PALM2AKAP2: variants seen among roughly 807,000 people sequenced by gnomAD.
The protein encoded by PALM2AKAP2 is PALM2-AKAP2 fusion protein.
PALM2AKAP2 carries 37 observed loss-of-function variants against 71.5 expected under a neutral mutation model. The observed-to-expected ratio is 0.52, with a 90% CI of 0.40 to 0.68. The LOEUF (loss-of-function observed/expected upper bound fraction) is 0.68, where lower values mean the gene tolerates loss of function less well. Ranked by LOEUF, PALM2AKAP2 falls within the 30% of genes least tolerant of loss-of-function variation. The pLI, the probability that PALM2AKAP2 is intolerant of heterozygous loss-of-function variation, is 0.00. For synonymous variants in PALM2AKAP2, 468 were observed against 478.8 expected, an observed-to-expected ratio of 0.98 and a Z score of 0.29; for missense variants, 1,224 against 1,191.8, an observed-to-expected ratio of 1.03 and a Z score of -0.40.
intron 1 of PALM2AKAP2, among the ~76,000 whole-genome samples, chr9:109,751,654 G>A (rs1465317290): frequency 6.6e-6 from 1 of 152,132 alleles, no homozygotes; most frequent in Non-Finnish European, 1.5e-5. Context: ...GTTCAATCAT[G>A]CTCTCAATTA....
At chr9:110,067,411 A>G (rs1208672272) in intron 1 of PALM2AKAP2, among the ~76,000 whole-genome samples, 4 of 152,252 alleles carry the variant, frequency 2.6e-5, no homozygotes, top group Non-Finnish European at 5.9e-5. Flanking sequence ...TGGTTGGTGC[A>G]TTACTTAATC....
intron 1 of PALM2AKAP2, chr9:110,125,681 T>C: frequency 1.2e-6 from 1 of 849,314 alleles, no homozygotes. Context: ...CCAGTGTCTT[T>C]ATGGAGGAGG....
chr9:109,722,492 C>T (rs1828419760), intron 1 of PALM2AKAP2, among the ~76,000 whole-genome samples: 1 of 152,148 alleles, frequency 6.6e-6, no homozygotes, highest in South Asian at 2.1e-4. Flanking sequence ...CAAATAGGAG[C>T]TAGGCGAGAT....
At chr9:109,998,336 C>T (rs545441077) in intron 6 of PALM2AKAP2, among the ~76,000 whole-genome samples, 97 of 152,188 alleles carry the variant, frequency 6.4e-4, no homozygotes, top group African/African-American at 2.3e-3. Flanking sequence ...CCCAAAAGGC[C>T]GGGCTCCAGA....
chr9:109,861,258 GCTCC>G, intron 1 of PALM2AKAP2, among the ~76,000 whole-genome samples: 1 of 152,194 alleles, frequency 6.6e-6, no homozygotes, highest in Admixed American at 6.5e-5. Flanking sequence ...ATCTCCTAGT[GCTCC>G]AGTTGCAGCA....
exon 2 of PALM2AKAP2, chr9:110,138,348 T>C (rs1378460599): frequency 1.2e-6 from 2 of 1,613,990 alleles, no homozygotes; most frequent in Non-Finnish European, 8.5e-7. Flanking sequence ...GAATCTGACG[T>C]GATGGTTGGG....
intron 6 of PALM2AKAP2, among the ~76,000 whole-genome samples, chr9:109,957,236 G>C (rs1239087954): frequency 6.6e-6 from 1 of 152,216 alleles, no homozygotes; most frequent in African/African-American, 2.4e-5. Context: ...CTCTTGCTGA[G>C]TTAATTGAGC....
At chr9:109,787,767 A>G (rs1827007725) in intron 1 of PALM2AKAP2, among the ~76,000 whole-genome samples, 1 of 152,258 alleles carries the variant, frequency 6.6e-6, no homozygotes, top group African/African-American at 2.4e-5. Context: ...AGTATTAACT[A>G]GTTTAAAAAC....
At chr9:109,853,520 A>G (rs1173120336) in intron 1 of PALM2AKAP2, among the ~76,000 whole-genome samples, 2 of 152,254 alleles carry the variant, frequency 1.3e-5, no homozygotes, top group Non-Finnish European at 1.5e-5. Context: ...CAGATATATC[A>G]TAGATTATTT....
At chr9:110,060,735 G>A (rs983735959) in intron 1 of PALM2AKAP2, among the ~76,000 whole-genome samples, 7 of 152,088 alleles carry the variant, frequency 4.6e-5, no homozygotes, top group African/African-American at 1.7e-4. Flanking sequence ...CCGAGTAGCT[G>A]AGACTACAGG....
At chr9:110,037,494 C>A (rs1392398788) in intron 7 of PALM2AKAP2, among the ~76,000 whole-genome samples, 1 of 152,226 alleles carries the variant, frequency 6.6e-6, no homozygotes, top group Non-Finnish European at 1.5e-5. Context: ...GCGTGAGCCA[C>A]CGCACCCGGC....
At chr9:109,854,140 C>T (rs1450941395) in intron 1 of PALM2AKAP2, among the ~76,000 whole-genome samples, 1 of 152,142 alleles carries the variant, frequency 6.6e-6, no homozygotes, top group Admixed American at 6.5e-5. Context: ...GTACCTTTCC[C>T]TTGTTCCCTG....
intron 1 of PALM2AKAP2, among the ~76,000 whole-genome samples, chr9:109,691,174 T>TACACACACACAC (rs56966509): frequency 0.021 from 3,026 of 147,528 alleles, 35 homozygotes; most frequent in Middle Eastern, 0.034. Context: ...CTTTGAATTT[T>TACACACACACAC]ACACACACAC....
intron 3 of PALM2AKAP2, among the ~76,000 whole-genome samples, chr9:109,906,371 G>C (rs1830445569): frequency 1.3e-5 from 2 of 152,106 alleles, no homozygotes; most frequent in African/African-American, 4.8e-5. Flanking sequence ...GCTAATTTTT[G>C]TATTTTCCGT....
At chr9:109,649,547 AGTT>A (rs1219933136) in intron 1 of PALM2AKAP2, among the ~76,000 whole-genome samples, 1 of 152,210 alleles carries the variant, frequency 6.6e-6, no homozygotes, top group African/African-American at 2.4e-5. Context: ...TATGGAGAGT[AGTT>A]TATCAGAAAA....
intron 1 of PALM2AKAP2, among the ~76,000 whole-genome samples, chr9:109,724,217 TAATA>T (rs1315803654): frequency 6.6e-6 from 1 of 151,972 alleles, no homozygotes; most frequent in Non-Finnish European, 1.5e-5. Flanking sequence ...CAATAAAACT[TAATA>T]AAAGAATAAA....
intron 1 of PALM2AKAP2, among the ~76,000 whole-genome samples, chr9:109,673,589 A>G (rs1470984763): frequency 6.6e-6 from 1 of 152,086 alleles, no homozygotes; most frequent in Non-Finnish European, 1.5e-5. Context: ...TTGGTTGAAG[A>G]GTTCTGTAGA....
chr9:109,916,332 C>T (rs1198645528), intron 3 of PALM2AKAP2, among the ~76,000 whole-genome samples: 2 of 152,192 alleles, frequency 1.3e-5, no homozygotes, highest in African/African-American at 2.4e-5. Flanking sequence ...TTTGTTTGGG[C>T]CTTGCAGGAA....
intron 1 of PALM2AKAP2, among the ~76,000 whole-genome samples, chr9:109,796,403 C>T (rs1017915728): frequency 6.6e-6 from 1 of 151,922 alleles, no homozygotes; most frequent in African/African-American, 2.4e-5. Flanking sequence ...AATCTAGTGG[C>T]AGTTCTAATA....
Sources: allele counts gnomAD v4.1 joint callset (sites outside exome capture counted in the v4.1 genomes callset), GRCh38; gene constraint gnomAD v4.1.1; transcripts MANE v1.5; gene names NCBI Gene and HGNC (gene_info 2026-07-23, HGNC 2026-07-21).